Variants in MROH2A observed in about 807,000 individuals in gnomAD.
MROH2A encodes maestro heat-like repeat-containing protein family member 2A.
MROH2A carries 174 observed loss-of-function variants against 200.4 expected under a neutral mutation model. The ratio of observed to expected loss-of-function variants is 0.87; its 90% confidence interval spans 0.77 to 0.98. The LOEUF is 0.98. Ranked by LOEUF, MROH2A falls within the 50% of genes least tolerant of loss-of-function variation. The pLI, the probability that MROH2A is intolerant of heterozygous loss-of-function variation, is 0.00. For missense variants in MROH2A, 2,045 were observed against 2,139.6 expected (o/e 0.96, Z 0.87); for synonymous variants, 829 against 840.4 (o/e 0.99, Z 0.23).
chr2:233,832,083 G>C, intron 39 of MROH2A, 94 bp from the exon 40 acceptor site: 3 of 1,040,300 alleles, frequency 2.9e-6, no homozygotes, highest in Non-Finnish European at 4.3e-6. Context: ...TGCCCTCTCT[G>C]ATGCATCTTG....
chr2:233,791,169 G>A (rs771843927), intron 5 of MROH2A, among the ~76,000 whole-genome samples: 3 of 152,162 alleles, frequency 2.0e-5, no homozygotes, highest in Non-Finnish European at 4.4e-5. Context: ...ACGTCACCTC[G>A]GGCACTAGGA....
Position 233,794,444 on chromosome 2 carries a change from G to A in MROH2A, c.904G>A (p.Asp302Asn), listed in dbSNP as rs1251907732. The part of the protein sequence containing the change: ...PNDDLREQVY[D>N]YIPLLLAEYQ... ...CGATGACCTGCGGGAGCAGGTCTACGACTACATCCCCCTGCTGCTGGCGGA... is the reference window on the plus strand; with the variant it reads ...CGATGACCTGCGGGAGCAGGTCTACAACTACATCCCCCTGCTGCTGGCGGA... Residue 302 changes from aspartate to asparagine, a missense_variant, in exon 8 of 42, where the codon GAC becomes AAC. This residue lies in a region of MROH2A where 831 missense variants were observed against 800.0 expected (regional missense o/e 1.04). Transcript: ENST00000389758. 17 of 1,550,504 alleles carry A rather than the reference G, an allele frequency of 1.1e-5. No individual in the cohort carries two copies. Among genetic ancestry groups the A allele is most frequent in the Non-Finnish European group, 1.5e-5 (17 of 1,146,936 alleles).
intron 3 of MROH2A, among the ~76,000 whole-genome samples, chr2:233,785,467 CAAAAAAA>C (rs34259208): frequency 9.0e-6 from 1 of 110,712 alleles, no homozygotes; most frequent in East Asian, 2.6e-4. Flanking sequence ...GACTTTGTCT[CAAAAAAA>C]AAAAAAAAAA....
intron 4 of MROH2A, 103 bp from the exon 5 acceptor site, chr2:233,789,749 A>G: frequency 6.8e-7 from 1 of 1,475,764 alleles, no homozygotes; most frequent in Non-Finnish European, 9.0e-7. Context: ...GGTAAGGCTG[A>G]GCCCAAGGGA....
At chr2:233,803,345 T>G in intron 15 of MROH2A, 103 bp from the exon 16 acceptor site, 1 of 1,250,978 alleles carries the variant, frequency 8.0e-7, no homozygotes, top group African/African-American at 1.5e-5. Context: ...CAAGATCATG[T>G]TGGGGAGGAA....
At chr2:233,798,930 G>A (rs1297019601) in intron 12 of MROH2A, 80 bp downstream of exon 12, 2 of 1,176,828 alleles carry the variant, frequency 1.7e-6, no homozygotes, top group Admixed American at 2.0e-5. Flanking sequence ...GGCTCTGGGA[G>A]GCAGAGGCTT....
chr2:233,827,102 G>A lies in MROH2A; in HGVS notation c.4114-1528G>A, dbSNP rs576158013. 1.9e-3 allele frequency among the ~76,000 whole-genome samples: 284 copies of A among 152,298 alleles called. 1 individual carries two copies. Among genetic ancestry groups the A allele is most frequent in the African/African-American group, 6.6e-3 (274 of 41,564 alleles). On this transcript the variant is annotated intron_variant, in intron 35 of 41. Transcript: ENST00000389758. ...TGCTGGCAAGGTTGCAGAGAAATAGGAACACTTTTACACTGTTGGTGGGAA... is the reference window on the plus strand; with the variant it reads ...TGCTGGCAAGGTTGCAGAGAAATAGAAACACTTTTACACTGTTGGTGGGAA...
intron 38 of MROH2A, among the ~76,000 whole-genome samples, chr2:233,830,267 T>G (rs937105319): frequency 6.6e-6 from 1 of 152,154 alleles, no homozygotes; most frequent in African/African-American, 2.4e-5. Flanking sequence ...TGCCTTCTCA[T>G]TTGAGTTGCT....
At chr2:233,816,692 T>TA (rs1703555018) in intron 26 of MROH2A, 89 bp from the exon 27 acceptor site, 7 of 769,032 alleles carry the variant, frequency 9.1e-6, no homozygotes, top group Non-Finnish European at 1.3e-5. Flanking sequence ...TCGATCTGAG[T>TA]AGGAGGGTGA....
chr2:233,831,904 A>C (rs183405584), intron 39 of MROH2A, among the ~76,000 whole-genome samples: 2 of 152,314 alleles, frequency 1.3e-5, no homozygotes, highest in Non-Finnish European at 2.9e-5. Context: ...ACTTTACCTT[A>C]ATTCAGACCA....
Position 233,807,556 on chromosome 2 carries a change from C to T in MROH2A, c.2172+14C>T. 1.3e-6 allele frequency: 2 copies of T among 1,549,972 alleles called. No individual in the cohort carries two copies. Among genetic ancestry groups the T allele is most frequent in the Non-Finnish European group, 1.7e-6 (2 of 1,146,744 alleles). On this transcript the variant is annotated intron_variant, in intron 20 of 41. Transcript: ENST00000389758. The surrounding 1 kb of genome is among the most constrained non-coding windows in gnomAD (Gnocchi z 4.3). The stretch of plus-strand genomic sequence containing the variant: ...TTTGACAGCGAGGTGAGGGTGCCTG[C>T]AGCCTCCTCCTGTCCACCAGATGCC...
chr2:233,788,812 G>A (rs1296282041), intron 3 of MROH2A, among the ~76,000 whole-genome samples: 7 of 152,024 alleles, frequency 4.6e-5, no homozygotes, highest in South Asian at 2.1e-4. Context: ...GGTGGCGGGC[G>A]CCTGTAGTCC....
chr2:233,795,974 A>G lies in MROH2A; in HGVS notation c.1067A>G (p.Asn356Ser), dbSNP rs977422004. ...CTGCACGTCCCTCACCAGGTGTGCA[A>G]CAAGGCCCCGGCCCAGCATCAGTAC... ...IFTELHVQVC[N>S]KAPAQHQYSS... Residue 356 changes from asparagine (N) to serine (S), a missense_variant, in exon 10 of 42, where the codon AAC becomes AGC. By Grantham distance (46) the Asn-to-Ser change is conservative (BLOSUM62 1). This residue lies in a region of MROH2A where 831 missense variants were observed against 800.0 expected (regional missense o/e 1.04). Transcript: ENST00000389758. 2.6e-6 allele frequency: 4 copies of G among 1,550,464 alleles called. No individual in the cohort carries two copies. Among genetic ancestry groups the G allele is most frequent in the Non-Finnish European group, 3.5e-6 (4 of 1,146,980 alleles).
chr2:233,828,523 C>G lies in MROH2A; in HGVS notation c.4114-107C>G, dbSNP rs1052432896. ...CGGAGGCTCTCAGAGCCCCTCCCCT[C>G]CTGTCCACAGAGCCACCAATCTGCA... is the stretch of plus-strand genomic sequence containing the variant. On this transcript the variant is annotated intron_variant, in intron 35 of 41. Coordinates refer to ENST00000389758, the MANE Select transcript of MROH2A (RefSeq NM_001394639.1). This position sits in a 1 kb window ranked among gnomAD's most constrained non-coding sequence, Gnocchi z 4.6. 2 of 1,380,516 alleles carry G rather than the reference C, an allele frequency of 1.4e-6. No homozygotes were observed. The highest frequency in any genetic ancestry group is 2.0e-6 in the Non-Finnish European group (2 of 1,023,986). The allele number at this position is 1,380,516 out of a possible 1,614,324, so 85.5% of individuals were successfully genotyped here.
chr2:233,822,742 C>A, intron 33 of MROH2A, 139 bp from the exon 34 acceptor site: 1 of 1,221,312 alleles, frequency 8.2e-7, no homozygotes, highest in Non-Finnish European at 1.1e-6. Context: ...TGCAGATCCA[C>A]TCCCTCCCTG....
At chr2:233,808,525 TTGGA>T (rs777209500) in intron 21 of MROH2A, among the ~76,000 whole-genome samples, 1 of 152,090 alleles carries the variant, frequency 6.6e-6, no homozygotes. Flanking sequence ...GTCTGGTTGT[TTGGA>T]TGAAGAAAAT....
At chr2:233,818,171 G>C (rs1255451276) in intron 28 of MROH2A, 46 bp downstream of exon 28, 8 of 1,544,742 alleles carry the variant, frequency 5.2e-6, no homozygotes, top group Non-Finnish European at 7.0e-6. Flanking sequence ...GGGAGGGAGA[G>C]AGGGCTGACT....
Position 233,802,262 on chromosome 2 carries a change from A to AC in MROH2A, c.1657dup (p.Gln553ProfsTer82). The AC allele has an allele frequency of 6.4e-7, 1 of 1,550,502 alleles. No individual in the cohort carries two copies. On this transcript the variant is annotated frameshift_variant, in exon 15 of 42. Coordinates refer to ENST00000389758, the MANE Select transcript of MROH2A (RefSeq NM_001394639.1). LOFTEE classifies it high-confidence loss of function. ...ATCAGCCTCACAAACCTGGCAGAAC[A>AC]CCAGCTCCATGGCCAGGATGTGGAT...
rs1444202494 is a variant in MROH2A, at chr2:233,822,998, G to A, written c.3984G>A (p.Glu1328=). 6.5e-7 allele frequency: 1 copy of A among 1,550,340 alleles called. No individual in the cohort carries two copies. Among genetic ancestry groups the A allele is most frequent in the African/African-American group, 1.4e-5 (1 of 73,056 alleles). The change falls in exon 34 of 42, where the codon GAG becomes GAA. Residue 1328 remains glutamate, a synonymous_variant. Transcript: ENST00000389758. ...DLLQDGGTFL[E]GVSLLARLCM... ...TGCAGGACGGCGGGACATTCCTGGA[G>A]GGTGTGAGCCTGCTGGCCAGGTGGG...
Sources: allele counts gnomAD v4.1 joint callset (sites outside exome capture counted in the v4.1 genomes callset), GRCh38; gene constraint gnomAD v4.1.1; regional missense constraint gnomAD v4.1.1; non-coding constraint Gnocchi (gnomAD v3.1); transcripts MANE v1.5; gene names NCBI Gene and HGNC (gene_info 2026-07-23, HGNC 2026-07-21).